Variants in DHX9 observed in about 807,000 individuals in gnomAD.
The protein encoded by DHX9 is DExH-box helicase 9.
Under a neutral mutation model 148.7 loss-of-function variants are expected in DHX9, and 27 were observed. That is an observed-to-expected ratio of 0.18 (90% CI 0.13 to 0.25). The LOEUF is 0.25. Among genes scored for constraint, DHX9 ranks in the 10% least tolerant of loss-of-function variants. DHX9 has a pLI of 1.00. For synonymous variants in DHX9, 529 were observed against 516.6 expected (o/e 1.02, Z -0.33); for missense variants, 796 against 1,559.6 (o/e 0.51, Z 8.25).
At chr1:182,862,810 A>G (rs1040550761) in intron 12 of DHX9, among the ~76,000 whole-genome samples, 2 of 152,238 alleles carry the variant, frequency 1.3e-5, no homozygotes, top group Admixed American at 6.5e-5. Flanking sequence ...ATACTACAAA[A>G]TAACAGTTTG....
chr1:182,857,527 T>C lies in DHX9; in HGVS notation c.674-577T>C, dbSNP rs923293343. Among the ~76,000 whole-genome samples the C allele has an allele frequency of 7.9e-5, 12 of 152,236 alleles. No individual in the cohort carries two copies. In the South Asian group the frequency reaches 1.0e-3, roughly 13 times the overall value. ...AGACTTTACAGGTCACACATTGTTA[T>C]TCTCATTTTATTTTTACAACTCTTG... On this transcript the variant is annotated intron_variant, in intron 7 of 27. Transcript: ENST00000367549.
chr1:182,879,933 A>G lies in DHX9; in HGVS notation c.2512+523A>G, dbSNP rs1431826986. Among the ~76,000 whole-genome samples, 3 of 152,154 alleles carry G rather than the reference A, an allele frequency of 2.0e-5. No individual in the cohort carries two copies. In the East Asian group the frequency reaches 5.8e-4, roughly 29 times the overall value. On this transcript the variant is annotated intron_variant, in intron 21 of 27. Coordinates refer to ENST00000367549, the MANE Select transcript of DHX9 (RefSeq NM_001357.5). ...AAGACAGGGTTTCACCATGTTGGCC[A>G]GGCTCTTCTGAAACTCCCGACCTCA...
At chr1:182,870,609 C>T (rs867644733) in intron 14 of DHX9, among the ~76,000 whole-genome samples, 35 of 152,246 alleles carry the variant, frequency 2.3e-4, no homozygotes, top group African/African-American at 7.7e-4. Context: ...TAGTTGAAAT[C>T]GGTTCCCTAC....
intron 1 of DHX9, 72 bp downstream of exon 1, chr1:182,839,528 G>C (rs1430357131): frequency 2.0e-5 from 3 of 153,052 alleles, no homozygotes; most frequent in African/African-American, 7.2e-5. Context: ...CCATGGCTCC[G>C]CAGCCGGCTT....
chr1:182,875,683 T>C (rs115959161), intron 16 of DHX9, among the ~76,000 whole-genome samples: 6,095 of 152,266 alleles, frequency 0.04, 304 homozygotes, highest in African/African-American at 0.11. Context: ...AAAAGACCAA[T>C]TGCAACAACT....
Position 182,852,235 on chromosome 1 carries a change from A to G in DHX9, c.255A>G (p.Val85=), listed in dbSNP as rs762840118. Reference sequence around the variant, plus strand: ...TGCCTTGACTTTTTCTTTTGCAGGTAGCATCTCCGCCCCCACTTACTGATA... The same window carrying G: ...TGCCTTGACTTTTTCTTTTGCAGGTGGCATCTCCGCCCCCACTTACTGATA... The part of the protein sequence containing the change: ...IKSEEVPAFG[V]ASPPPLTDTP... Residue 85 remains valine, a splice_region_variant and synonymous_variant, in exon 4 of 28, where the codon GTA becomes GTG. Transcript: ENST00000367549. 5.6e-5 allele frequency: 90 copies of G among 1,601,026 alleles called. No homozygotes were observed. The South Asian group carries it at 9.1e-4, about 16-fold the overall frequency.
intron 3 of DHX9, among the ~76,000 whole-genome samples, chr1:182,850,242 G>A (rs1571299593): frequency 6.6e-6 from 1 of 152,026 alleles, no homozygotes; most frequent in East Asian, 1.9e-4. Context: ...GAATGCATCA[G>A]TACTTGACTA....
intron 7 of DHX9, 28 bp from the exon 8 acceptor site, chr1:182,858,076 G>A (rs754031543): frequency 1.3e-6 from 2 of 1,595,186 alleles, no homozygotes; most frequent in South Asian, 2.3e-5. Flanking sequence ...ATTTCTTTCT[G>A]TCTGATAATC....
intron 20 of DHX9, 141 bp from the exon 21 acceptor site, chr1:182,879,109 G>T (rs1018378782): frequency 3.2e-6 from 2 of 628,178 alleles, no homozygotes; most frequent in East Asian, 6.0e-5. Context: ...TATAGTGAAC[G>T]ATAAAAGGTC....
Position 182,866,558 on chromosome 1 carries a change from C to T in DHX9, c.1447C>T (p.His483Tyr). ...ATTTGAGTCTATACTTCCTCGTCCT[C>T]ATGCCAGTATAATGTTTTGTACTGT... Reference protein sequence around the residue: ...VRFESILPRPHASIMFCTVGV... With the variant: ...VRFESILPRPYASIMFCTVGV... Residue 483 changes from histidine to tyrosine, a missense_variant, in exon 13 of 28, where the codon CAT (histidine) becomes TAT (tyrosine). Physicochemically the swap from His to Tyr is moderately conservative, Grantham distance 83. This residue lies in a region of DHX9 where 58 missense variants were observed against 122.8 expected (regional missense o/e 0.47). Transcript: ENST00000367549. The T allele has an allele frequency of 2.5e-6, 4 of 1,614,118 alleles. No individual in the cohort carries two copies. Among genetic ancestry groups the T allele is most frequent in the Non-Finnish European group, 3.4e-6 (4 of 1,180,016 alleles).
At chr1:182,858,289 T>C (rs373996733) in intron 8 of DHX9, 49 bp downstream of exon 8, 8 of 1,584,768 alleles carry the variant, frequency 5.0e-6, no homozygotes, top group Non-Finnish European at 6.9e-6. Context: ...AGATTCAATT[T>C]AGCTCTTGTT....
chr1:182,860,487 C>G (rs1668341019), intron 12 of DHX9, among the ~76,000 whole-genome samples: 1 of 152,178 alleles, frequency 6.6e-6, no homozygotes, highest in African/African-American at 2.4e-5. Flanking sequence ...TTGGTCATCT[C>G]TATCTAACCA....
At chr1:182,848,556 A>G (rs1461434634) in intron 3 of DHX9, among the ~76,000 whole-genome samples, 2 of 152,204 alleles carry the variant, frequency 1.3e-5, no homozygotes, top group East Asian at 1.9e-4. Context: ...TTCCTGGTCT[A>G]TAGCAGATAC....
chr1:182,861,506 GCTCTT>G (rs1389153538), intron 12 of DHX9, among the ~76,000 whole-genome samples: 14 of 152,276 alleles, frequency 9.2e-5, no homozygotes, highest in South Asian at 2.1e-4. Flanking sequence ...GCTCTGCTCT[GCTCTT>G]CTCTTCCCTT....
intron 7 of DHX9, 71 bp from the exon 8 acceptor site, chr1:182,858,032 GT>G: frequency 6.6e-7 from 1 of 1,512,800 alleles, no homozygotes; most frequent in African/African-American, 1.4e-5. Context: ...TAAGCCCATA[GT>G]TTCTTGTGAT....
At chr1:182,885,563 A>C (rs1371704093) in intron 27 of DHX9, among the ~76,000 whole-genome samples, 1 of 152,226 alleles carries the variant, frequency 6.6e-6, no homozygotes, top group Non-Finnish European at 1.5e-5. Context: ...TAATATACTA[A>C]GGTACTAAAA....
chr1:182,860,297 A>G (rs1571307139), intron 12 of DHX9, 113 bp downstream of exon 12: 3 of 925,026 alleles, frequency 3.2e-6, no homozygotes, highest in Middle Eastern at 2.3e-4. Flanking sequence ...TGCCCTTGAA[A>G]TTAAATTTAA....
intron 1 of DHX9, among the ~76,000 whole-genome samples, chr1:182,841,249 C>T (rs1667921713): frequency 6.6e-6 from 1 of 152,170 alleles, no homozygotes; most frequent in African/African-American, 2.4e-5. Flanking sequence ...CAAGATCTCG[C>T]CCCTGCACTC....
intron 27 of DHX9, among the ~76,000 whole-genome samples, chr1:182,885,506 C>T (rs1422706113): frequency 6.6e-6 from 1 of 152,202 alleles, no homozygotes; most frequent in African/African-American, 2.4e-5. Context: ...AACATGGCCA[C>T]AATACCACAA....
Sources: allele counts gnomAD v4.1 joint callset (sites outside exome capture counted in the v4.1 genomes callset), GRCh38; gene constraint gnomAD v4.1.1; regional missense constraint gnomAD v4.1.1; transcripts MANE v1.5; gene names NCBI Gene and HGNC (gene_info 2026-07-23, HGNC 2026-07-21).